The following GALNT1 variants were observed in gnomAD, a reference collection of about 807,000 sequenced individuals.
GALNT1 encodes the protein GalNAc transferase 1.
In GALNT1, 17 loss-of-function variants were observed where a neutral mutation model predicts 65.7. The ratio of observed to expected loss-of-function variants is 0.26; its 90% CI spans 0.18 to 0.39. The LOEUF is 0.39. GALNT1 is among the 10% of genes least tolerant of loss of function. The probability of loss-of-function intolerance (pLI) is 1.00; values close to 1 mark genes in which losing one functional copy is unlikely to be tolerated. For missense variants in GALNT1, 460 were observed against 672.8 expected, an observed-to-expected ratio of 0.68 and a Z score of 3.50; for synonymous variants, 210 against 219.7, an observed-to-expected ratio of 0.96 and a Z score of 0.39.
intron 8 of GALNT1, 54 bp downstream of exon 8, chr18:35,691,246 C>G (rs762293705): frequency 5.9e-5 from 87 of 1,465,628 alleles, no homozygotes; most frequent in Non-Finnish European, 7.8e-5. Flanking sequence ...TGACCCTGAT[C>G]CTGGAGGAGA....
At chr18:35,666,628 T>C (rs1229450465) in intron 3 of GALNT1, among the ~76,000 whole-genome samples, 9 of 152,218 alleles carry the variant, frequency 5.9e-5, no homozygotes, top group African/African-American at 2.2e-4. Flanking sequence ...CTTTATGTGG[T>C]TTTTGAAGAT....
At chr18:35,597,525 A>G (rs2046520320) in intron 1 of GALNT1, 1 of 152,280 alleles carries the variant, frequency 6.6e-6, no homozygotes, top group Non-Finnish European at 1.5e-5. Flanking sequence ...TCTCAGTAGA[A>G]TTTGTATTGT....
At chr18:35,660,336 G>C (rs2047461000) in intron 2 of GALNT1, among the ~76,000 whole-genome samples, 1 of 151,976 alleles carries the variant, frequency 6.6e-6, no homozygotes, top group African/African-American at 2.4e-5. Context: ...ATCTTATTTG[G>C]GGGCTTTCAG....
At chr18:35,642,360 A>G (rs922164948) in intron 1 of GALNT1, among the ~76,000 whole-genome samples, 2 of 152,220 alleles carry the variant, frequency 1.3e-5, no homozygotes, top group African/African-American at 4.8e-5. Flanking sequence ...AAAGCAAGTC[A>G]GGTTTTTCCA....
chr18:35,646,245 A>C (rs1008682981), intron 1 of GALNT1, among the ~76,000 whole-genome samples: 1 of 152,206 alleles, frequency 6.6e-6, no homozygotes, highest in African/African-American at 2.4e-5. Flanking sequence ...TCCCGAGAAC[A>C]GCAAGGGGGA....
chr18:35,692,544 A>G (rs2047985308), intron 9 of GALNT1, among the ~76,000 whole-genome samples: 1 of 151,846 alleles, frequency 6.6e-6, no homozygotes, highest in Non-Finnish European at 1.5e-5. Context: ...ATGCGCCTGG[A>G]GATAAGCTGT....
chr18:35,584,507 A>G (rs1468063055), intron 1 of GALNT1, among the ~76,000 whole-genome samples: 1 of 152,158 alleles, frequency 6.6e-6, no homozygotes, highest in Non-Finnish European at 1.5e-5. Context: ...TAATGGAGGA[A>G]GAGGAGTGCG....
At chr18:35,604,116 ACCC>A (rs1489027772) in intron 1 of GALNT1, among the ~76,000 whole-genome samples, 1 of 151,530 alleles carries the variant, frequency 6.6e-6, no homozygotes, top group Non-Finnish European at 1.5e-5. Flanking sequence ...ATCTATTTTT[ACCC>A]TTCTTTGTGT....
intron 1 of GALNT1, among the ~76,000 whole-genome samples, chr18:35,606,541 C>A (rs2046649402): frequency 6.6e-6 from 1 of 152,120 alleles, no homozygotes; most frequent in Non-Finnish European, 1.5e-5. Flanking sequence ...TAGAAGTCCT[C>A]AGAGAAGGAA....
chr18:35,645,417 T>TA (rs2047218317), intron 1 of GALNT1, among the ~76,000 whole-genome samples: 1 of 151,912 alleles, frequency 6.6e-6, no homozygotes, highest in African/African-American at 2.4e-5. Context: ...GTATTTTTAG[T>TA]AGAGACGGGG....
intron 1 of GALNT1, among the ~76,000 whole-genome samples, chr18:35,627,647 G>A (rs1166032703): frequency 1.3e-5 from 2 of 152,124 alleles, no homozygotes; most frequent in Non-Finnish European, 2.9e-5. Context: ...CCCAGTGTGA[G>A]CGACACAGAA....
At chr18:35,600,281 T>A (rs1428714143) in intron 1 of GALNT1, among the ~76,000 whole-genome samples, 1 of 152,174 alleles carries the variant, frequency 6.6e-6, no homozygotes, top group African/African-American at 2.4e-5. Flanking sequence ...TTTTTGTATT[T>A]AATAGCTATT....
At chr18:35,709,548 G>A in intron 11 of GALNT1, 76 bp from the exon 12 acceptor site, 1 of 1,499,962 alleles carries the variant, frequency 6.7e-7, no homozygotes, top group African/African-American at 1.4e-5. Flanking sequence ...TTCTGCAGAG[G>A]AACTTAATCA....
intron 2 of GALNT1, among the ~76,000 whole-genome samples, chr18:35,655,990 T>C (rs2047379838): frequency 6.6e-6 from 1 of 152,230 alleles, no homozygotes; most frequent in Non-Finnish European, 1.5e-5. Flanking sequence ...ATATTTACTT[T>C]ATAGCTCTGC....
At chr18:35,620,800 T>C (rs2046841425) in intron 1 of GALNT1, among the ~76,000 whole-genome samples, 2 of 150,532 alleles carry the variant, frequency 1.3e-5, no homozygotes, top group African/African-American at 4.9e-5. Flanking sequence ...TTTTTGGTCA[T>C]TATAAACAAT....
intron 9 of GALNT1, among the ~76,000 whole-genome samples, chr18:35,700,623 G>A (rs1402188197): frequency 6.6e-6 from 1 of 152,158 alleles, no homozygotes; most frequent in African/African-American, 2.4e-5. Context: ...TAGGAATCTT[G>A]TAAGGATGGT....
intron 9 of GALNT1, among the ~76,000 whole-genome samples, chr18:35,698,333 G>A (rs2048095750): frequency 6.6e-6 from 1 of 152,048 alleles, no homozygotes; most frequent in Middle Eastern, 3.2e-3. Flanking sequence ...GCTGAGTGTG[G>A]TGGCCCGCAT....
intron 11 of GALNT1, among the ~76,000 whole-genome samples, chr18:35,706,462 A>C (rs2048262553): frequency 6.6e-6 from 1 of 152,152 alleles, no homozygotes. Flanking sequence ...ATACCGCGCC[A>C]CTGCACTCCA....
At chr18:35,659,335 T>C (rs952885707) in intron 2 of GALNT1, among the ~76,000 whole-genome samples, 1 of 152,208 alleles carries the variant, frequency 6.6e-6, no homozygotes, top group Non-Finnish European at 1.5e-5. Context: ...TATTTACTTG[T>C]TACTTGCCTG....
Sources: allele counts gnomAD v4.1 joint callset (sites outside exome capture counted in the v4.1 genomes callset), GRCh38; gene constraint gnomAD v4.1.1; transcripts MANE v1.5; gene names NCBI Gene and HGNC (gene_info 2026-07-23, HGNC 2026-07-21).